Variants in GALNT14 observed in about 807,000 individuals in gnomAD.
The protein encoded by GALNT14 is polypeptide N-acetylgalactosaminyltransferase 14.
GALNT14 carries 60 observed loss-of-function variants against 77.5 expected under a neutral mutation model. That is an observed-to-expected ratio of 0.77 (90% CI 0.63 to 0.96). The LOEUF (loss-of-function observed/expected upper bound fraction) is 0.96. Among genes scored for constraint, GALNT14 ranks in the 40% least tolerant of loss-of-function variants. GALNT14 has a pLI of 0.00. For missense variants in GALNT14, 710 were observed against 731.0 expected (o/e 0.97, Z 0.33); for synonymous variants, 280 against 281.7 (o/e 0.99, Z 0.06).
chr2:30,992,982 A>C lies in GALNT14; in HGVS notation c.155T>G (p.Leu52Arg), dbSNP rs1669809081. 6.2e-7 allele frequency: 1 copy of C among 1,614,094 alleles called. No homozygotes were observed. Among genetic ancestry groups the C allele is most frequent in the South Asian group, 1.1e-5 (1 of 91,084 alleles). ...CCGCCGCTCATCAAACTGGTCCCAC[A>C]GGTCGTCCCAGTCAGCGTCCGAAGG... Reference protein sequence around the residue: ...PKPSDADWDDLWDQFDERRYL... With the variant: ...PKPSDADWDDRWDQFDERRYL... Residue 52 changes from leucine (L) to arginine (R), a missense_variant, in exon 2 of 15, where the codon CTG becomes CGG. Leu to Arg is a moderately radical substitution (Grantham distance 102). Transcript: ENST00000349752.
intron 2 of GALNT14, among the ~76,000 whole-genome samples, chr2:30,974,130 C>G (rs1573069658): frequency 6.6e-6 from 1 of 152,322 alleles, no homozygotes; most frequent in East Asian, 1.9e-4. Flanking sequence ...CTCAGCCAAG[C>G]CTGCTGACCC....
chr2:30,897,059 G>A, the GALNT14 span, among the ~76,000 whole-genome samples: 3 of 152,028 alleles, frequency 2.0e-5, no homozygotes, highest in East Asian at 1.9e-4. Context: ...TACTTTACTC[G>A]ATTAAGTGCA....
chr2:30,944,400 C>T (rs891956013), intron 8 of GALNT14, among the ~76,000 whole-genome samples: 1 of 152,222 alleles, frequency 6.6e-6, no homozygotes, highest in Non-Finnish European at 1.5e-5. Flanking sequence ...CTGCAGAGAA[C>T]AGGGCAGCTG....
At chr2:31,079,194 G>C (rs1007340569) in intron 1 of GALNT14, 1 of 482,288 alleles carries the variant, frequency 2.1e-6, no homozygotes, top group Non-Finnish European at 3.2e-6. Context: ...AAGTTGGCTG[G>C]ACAAGAAGGA....
the GALNT14 span, among the ~76,000 whole-genome samples, chr2:30,891,757 C>T: frequency 1.3e-5 from 2 of 152,100 alleles, no homozygotes; most frequent in Admixed American, 1.3e-4. Context: ...ATTCTTCCTG[C>T]ATTATGAGAG....
At chr2:31,079,807 T>C (rs1441930387) in intron 1 of GALNT14, among the ~76,000 whole-genome samples, 1 of 152,138 alleles carries the variant, frequency 6.6e-6, no homozygotes. Flanking sequence ...GGGTCCCCCA[T>C]TCTGGGCAGA....
intron 11 of GALNT14, among the ~76,000 whole-genome samples, chr2:30,925,875 A>C (rs1381531404): frequency 6.6e-6 from 1 of 152,100 alleles, no homozygotes; most frequent in Non-Finnish European, 1.5e-5. Flanking sequence ...CAGGGAGGGT[A>C]GTGAGGAGGC....
Position 31,138,162 on chromosome 2 carries a change from G to A in GALNT14, c.-76C>T, listed in dbSNP as rs1253425536. On this transcript the variant is annotated 5_prime_UTR_variant, in exon 1 of 15. Transcript: ENST00000349752. ...CCGGCGGTCAGGGTTGGCGGGGCAG[G>A]AGTCCTGGCGAGCGCCTCGCTCTGG... 1.9e-6 allele frequency: 3 copies of A among 1,589,820 alleles called. No homozygotes were observed. The African/African-American group carries it at 4.0e-5, about 21-fold the overall frequency.
chr2:30,938,382 ACACT>A (rs1307993648), intron 9 of GALNT14, among the ~76,000 whole-genome samples: 23 of 143,586 alleles, frequency 1.6e-4, no homozygotes, highest in South Asian at 8.7e-4. Context: ...ACACACACAC[ACACT>A]CTCTCTCTCT....
chr2:30,911,501 G>C (rs966039079), intron 14 of GALNT14, among the ~76,000 whole-genome samples: 3 of 152,120 alleles, frequency 2.0e-5, no homozygotes, highest in Non-Finnish European at 4.4e-5. Flanking sequence ...AGAGAGGCAG[G>C]TCTCATGCAG....
chr2:30,907,354 G>A (rs533576620), downstream of GALNT14, among the ~76,000 whole-genome samples: 3 of 152,072 alleles, frequency 2.0e-5, no homozygotes, highest in South Asian at 2.1e-4. Context: ...TCTAATAGAC[G>A]CAATAAAAAA....
chr2:31,032,662 A>G (rs1451788518), intron 1 of GALNT14, among the ~76,000 whole-genome samples: 1 of 151,992 alleles, frequency 6.6e-6, no homozygotes, highest in Non-Finnish European at 1.5e-5. Context: ...TTATTTCCCA[A>G]TCCCCACATA....
chr2:31,042,839 T>C (rs1349270050), intron 1 of GALNT14, among the ~76,000 whole-genome samples: 2 of 152,248 alleles, frequency 1.3e-5, no homozygotes, highest in Non-Finnish European at 2.9e-5. Flanking sequence ...TCCTTCCTCC[T>C]GTGCTCTCCC....
the GALNT14 span, among the ~76,000 whole-genome samples, chr2:30,897,363 C>T: frequency 6.6e-6 from 1 of 152,172 alleles, no homozygotes; most frequent in Non-Finnish European, 1.5e-5. Flanking sequence ...CAGATGCCCC[C>T]TGGGTAGGCA....
chr2:31,074,810 G>C (rs544366843), intron 1 of GALNT14, among the ~76,000 whole-genome samples: 4 of 152,250 alleles, frequency 2.6e-5, no homozygotes, highest in African/African-American at 9.6e-5. Flanking sequence ...GACTTAAGAG[G>C]TAGAGACACT....
chr2:31,039,692 T>C (rs1218221826), intron 1 of GALNT14, among the ~76,000 whole-genome samples: 6 of 152,208 alleles, frequency 3.9e-5, no homozygotes, highest in Non-Finnish European at 8.8e-5. Context: ...CTCTTTTTTT[T>C]TCTTTAGTTC....
intron 1 of GALNT14, among the ~76,000 whole-genome samples, chr2:31,025,407 G>C (rs1316171716): frequency 6.6e-6 from 1 of 152,162 alleles, no homozygotes; most frequent in East Asian, 1.9e-4. Context: ...AGAGAGAGAC[G>C]GGTAGAGGCA....
At chr2:30,935,403 A>G (rs1665991162) in intron 9 of GALNT14, among the ~76,000 whole-genome samples, 2 of 152,132 alleles carry the variant, frequency 1.3e-5, no homozygotes, top group South Asian at 4.1e-4. Context: ...TTCCTACCCT[A>G]TCAACTCACT....
chr2:30,984,107 C>T (rs1669153748), intron 2 of GALNT14, among the ~76,000 whole-genome samples: 1 of 152,210 alleles, frequency 6.6e-6, no homozygotes. Context: ...GGATGAAGGA[C>T]AGAGTCCTTT....
Sources: allele counts gnomAD v4.1 joint callset (sites outside exome capture counted in the v4.1 genomes callset), GRCh38; gene constraint gnomAD v4.1.1; transcripts MANE v1.5; gene names NCBI Gene and HGNC (gene_info 2026-07-23, HGNC 2026-07-21).